The following STAG2 variants were observed in gnomAD, a reference collection of about 807,000 sequenced individuals.
STAG2 encodes cohesin subunit SA-2.
STAG2 carries 14 observed loss-of-function variants against 108.1 expected under a neutral mutation model. The observed-to-expected ratio is 0.13, with a 90% CI of 0.09 to 0.20. The LOEUF is 0.20. STAG2 is among the 10% of genes least tolerant of loss of function. The probability of loss-of-function intolerance (pLI) is 1.00; values close to 1 mark genes in which losing one functional copy is unlikely to be tolerated. For synonymous variants in STAG2, 307 were observed against 302.7 expected (o/e 1.01, Z -0.15); for missense variants, 440 against 940.9 (o/e 0.47, Z 6.96).
chrX:124,088,417 T>C (rs3848875), intron 30 of STAG2, among the ~76,000 whole-genome samples: 17,281 of 110,039 alleles, frequency 0.16, 1,154 homozygotes, highest in South Asian at 0.36. Flanking sequence ...GAAGTATGAA[T>C]ACTGATAGGT....
At chrX:124,084,381 C>T (rs1339763485) in intron 29 of STAG2, among the ~76,000 whole-genome samples, 1 of 101,772 alleles carries the variant, frequency 9.8e-6, no homozygotes, top group African/African-American at 3.4e-5. Context: ...CCTTCAGGCA[C>T]CATCTCGGCC....
chrX:123,972,020 G>A (rs536335754), intron 1 of STAG2, among the ~76,000 whole-genome samples: 1 of 111,384 alleles, frequency 9.0e-6, no homozygotes, highest in African/African-American at 3.3e-5. Context: ...GTTTATGCTT[G>A]TGCTGTCACC....
intron 6 of STAG2, among the ~76,000 whole-genome samples, chrX:124,042,013 T>C: frequency 9.0e-6 from 1 of 111,445 alleles, no homozygotes; most frequent in Admixed American, 9.6e-5. Context: ...TTTGGTATTC[T>C]TTAGTTTTAA....
intron 1 of STAG2, among the ~76,000 whole-genome samples, chrX:124,007,365 CAA>C (rs1440202573): frequency 9.0e-6 from 1 of 111,391 alleles, no homozygotes; most frequent in East Asian, 2.8e-4. Flanking sequence ...TAAGGATAAG[CAA>C]AGTGTTGTGT....
At chrX:124,089,782 A>G (rs6649147) in intron 30 of STAG2, among the ~76,000 whole-genome samples, 44,281 of 109,793 alleles carry the variant, frequency 0.4, 7,753 homozygotes, top group Non-Finnish European at 0.54. Context: ...CTACCCTTTC[A>G]ATCTTTATGC....
intron 27 of STAG2, among the ~76,000 whole-genome samples, chrX:124,078,876 C>T (rs767389498): frequency 2.6e-4 from 28 of 108,416 alleles, no homozygotes; most frequent in African/African-American, 9.0e-4. Context: ...GGCTGAGGCA[C>T]GAGAATTGCT....
At chrX:124,071,869 C>T (rs1014067891) in intron 25 of STAG2, among the ~76,000 whole-genome samples, 1 of 111,032 alleles carries the variant, frequency 9.0e-6, no homozygotes, top group African/African-American at 3.3e-5. Flanking sequence ...AAGAATCAAA[C>T]CAGCCTTTCC....
At chrX:124,014,707 ATTAG>A (rs1439117554) in intron 1 of STAG2, among the ~76,000 whole-genome samples, 5 of 110,834 alleles carry the variant, frequency 4.5e-5, no homozygotes, top group South Asian at 7.5e-4. Context: ...ATTTCCTACT[ATTAG>A]TTAGGAAATA....
chrX:123,978,669 T>C (rs995298397), intron 1 of STAG2, among the ~76,000 whole-genome samples: 1 of 110,750 alleles, frequency 9.0e-6, no homozygotes, highest in African/African-American at 3.3e-5. Context: ...GTAATACAGG[T>C]TGAGCATCCC....
intron 9 of STAG2, among the ~76,000 whole-genome samples, chrX:124,048,446 T>A (rs910628632): frequency 8.9e-6 from 1 of 111,876 alleles, no homozygotes; most frequent in African/African-American, 3.3e-5. Context: ...TTACAGTGTT[T>A]TTTTTGGAGG....
chrX:124,022,733 A>G, intron 3 of STAG2, 62 bp downstream of exon 3: 1 of 789,283 alleles, frequency 1.3e-6, no homozygotes, highest in East Asian at 3.5e-5. Context: ...TGGGGAATGC[A>G]TTAACTTCAG....
chrX:124,097,207 A>G (rs1180816821), intron 34 of STAG2, among the ~76,000 whole-genome samples: 1 of 91,296 alleles, frequency 1.1e-5, no homozygotes, highest in Admixed American at 1.3e-4. Flanking sequence ...AAAAAAAAGT[A>G]GAATCTGCTT....
intron 1 of STAG2, among the ~76,000 whole-genome samples, chrX:123,984,574 C>T (rs1409079835): frequency 1.8e-5 from 2 of 111,772 alleles, no homozygotes; most frequent in Non-Finnish European, 3.8e-5. Flanking sequence ...TGATATATAG[C>T]AGGCTCTCAA....
rs201201019 is a variant in STAG2, at chrX:124,051,156, A to T, written c.1053A>T (p.Leu351=). ...GEVRLKCLTA[L]QGLYYNKELN... ...TAAGACTCAAATGTCTTACTGCTCT[A>T]CAAGGGCTTTATTATAACAAAGAGC... is the stretch of plus-strand genomic sequence containing the variant. Residue 351 remains leucine, a synonymous_variant, in exon 12 of 35, where the codon CTA becomes CTT. Coordinates refer to ENST00000371145, the MANE Select transcript of STAG2 (RefSeq NM_001042750.2). The T allele has an allele frequency of 3.5e-6, 4 of 1,157,936 alleles. No individual in the cohort carries two copies. The highest frequency in any genetic ancestry group is 2.7e-4 in the Middle Eastern group (1 of 3,684).
intron 13 of STAG2, among the ~76,000 whole-genome samples, chrX:124,054,793 G>A (rs193282389): frequency 9.8e-4 from 109 of 111,449 alleles, no homozygotes; most frequent in African/African-American, 3.3e-3. Context: ...TTAGAGACAG[G>A]GTCTTGCTTT....
intron 1 of STAG2, among the ~76,000 whole-genome samples, chrX:123,997,707 G>A (rs190647451): frequency 2.4e-4 from 27 of 111,965 alleles, no homozygotes; most frequent in African/African-American, 8.4e-4. Context: ...GCACGATCTC[G>A]GCTCACTGCA....
At chrX:124,082,909 ATGT>A (rs772763848) in intron 28 of STAG2, among the ~76,000 whole-genome samples, 161 of 110,821 alleles carry the variant, frequency 1.5e-3, no homozygotes, top group Non-Finnish European at 2.6e-3. Flanking sequence ...TAGAGTTATA[ATGT>A]TGGGTTGTTA....
At chrX:124,052,797 G>A (rs1346643057) in intron 13 of STAG2, among the ~76,000 whole-genome samples, 1 of 108,470 alleles carries the variant, frequency 9.2e-6, no homozygotes, top group African/African-American at 3.3e-5. Context: ...CACCAGCAAT[G>A]TACAAGATTT....
chrX:124,031,528 G>GTTT (rs1216097103), intron 5 of STAG2, among the ~76,000 whole-genome samples: 3 of 82,276 alleles, frequency 3.6e-5, no homozygotes, highest in Non-Finnish European at 7.6e-5. Flanking sequence ...CCTGGCTAGT[G>GTTT]TTTTTTGTTT....
Sources: allele counts gnomAD v4.1 joint callset (sites outside exome capture counted in the v4.1 genomes callset), GRCh38; gene constraint gnomAD v4.1.1; transcripts MANE v1.5; gene names NCBI Gene and HGNC (gene_info 2026-07-23, HGNC 2026-07-21).